The following IGSF10 variants were observed in gnomAD, a reference collection of about 807,000 sequenced individuals.
IGSF10 encodes calvaria mechanical force protein 608.
In IGSF10, 126 loss-of-function variants were observed where a neutral mutation model predicts 128.2. That is an observed-to-expected ratio of 0.98 (90% CI 0.85 to 1.14). The LOEUF (loss-of-function observed/expected upper bound fraction) is 1.14, where lower values mean the gene tolerates loss of function less well. IGSF10 is among the 50% of genes most tolerant of loss of function. IGSF10 has a pLI of 0.00. For synonymous variants in IGSF10, 1,185 were observed against 1,146.2 expected, an observed-to-expected ratio of 1.03 and a Z score of -0.68; for missense variants, 3,295 against 3,149.8, an observed-to-expected ratio of 1.05 and a Z score of -1.10.
chr3:151,576,398 T>C, the IGSF10 span, among the ~76,000 whole-genome samples: 1 of 152,168 alleles, frequency 6.6e-6, no homozygotes, highest in Non-Finnish European at 1.5e-5. Context: ...TGAATCATCA[T>C]CTTTCTGAGT....
chr3:151,458,498 A>T lies in IGSF10; in HGVS notation c.194+18T>A, dbSNP rs750925299. 2.5e-6 allele frequency: 4 copies of T among 1,586,218 alleles called. No individual in the cohort carries two copies. The South Asian group carries it at 4.5e-5, about 18-fold the overall frequency. The stretch of plus-strand genomic sequence containing the variant: ...ACTGATCCCTCTTTGAGAAGAGGAA[A>T]CATGAGGTCTCACACACCCTAAATT... On this transcript the variant is annotated intron_variant, in intron 3 of 7. Transcript: ENST00000282466.
the IGSF10 span, among the ~76,000 whole-genome samples, chr3:151,568,922 G>A: frequency 6.6e-6 from 1 of 152,256 alleles, no homozygotes; most frequent in African/African-American, 2.4e-5. Context: ...TTACAGCAAA[G>A]TGCAGAATGC....
chr3:151,487,340 T>C, the IGSF10 span, among the ~76,000 whole-genome samples: 2 of 152,172 alleles, frequency 1.3e-5, no homozygotes, highest in South Asian at 4.1e-4. Context: ...CAGCAATTAA[T>C]AGCCTACCAA....
At chr3:151,576,270 G>GT in the IGSF10 span, among the ~76,000 whole-genome samples, 78 of 151,752 alleles carry the variant, frequency 5.1e-4, 1 homozygote, top group Middle Eastern at 3.4e-3. Context: ...CAAAATATCC[G>GT]TTTTTTGGTC....
the IGSF10 span, among the ~76,000 whole-genome samples, chr3:151,601,674 G>T: frequency 2.6e-5 from 4 of 152,146 alleles, no homozygotes; most frequent in African/African-American, 9.7e-5. Context: ...GTGAGTCTGA[G>T]CTCAGCACCT....
chr3:151,469,381 C>A, the IGSF10 span, among the ~76,000 whole-genome samples: 1 of 152,208 alleles, frequency 6.6e-6, no homozygotes, highest in South Asian at 2.1e-4. Flanking sequence ...TCAAGACATT[C>A]CTGTATCTGA....
chr3:151,564,682 C>T, the IGSF10 span, among the ~76,000 whole-genome samples: 3 of 152,096 alleles, frequency 2.0e-5, no homozygotes, highest in South Asian at 2.1e-4. Context: ...ATTTGGGTTA[C>T]GGCAGTTGAA....
At chr3:151,539,303 G>A in the IGSF10 span, among the ~76,000 whole-genome samples, 1 of 152,052 alleles carries the variant, frequency 6.6e-6, no homozygotes, top group Non-Finnish European at 1.5e-5. Flanking sequence ...GTGAACTTTC[G>A]CATAGCCGCT....
downstream of IGSF10, chr3:151,432,859 C>G (rs147414393): frequency 2.2e-6 from 3 of 1,344,616 alleles, no homozygotes; most frequent in East Asian, 4.8e-5. Context: ...AACAGAAAAT[C>G]AAATTTAATG....
chr3:151,446,234 A>AG lies in IGSF10; in HGVS notation c.3746dup (p.His1251ProfsTer15). ...TTGTTGAAAGTGTGGTGAAATGGAA[A>AG]GGGGAGACTTTGTCTCTGGGTAAAG... On this transcript the variant is annotated frameshift_variant, in exon 6 of 8. Coordinates refer to ENST00000282466, the MANE Select transcript of IGSF10 (RefSeq NM_178822.5). LOFTEE classifies it high-confidence loss of function. 1.2e-6 allele frequency: 2 copies of AG among 1,613,756 alleles called. No homozygotes were observed. The highest frequency in any genetic ancestry group is 1.7e-6 in the Non-Finnish European group (2 of 1,179,668).
the IGSF10 span, among the ~76,000 whole-genome samples, chr3:151,518,048 G>T: frequency 6.6e-6 from 1 of 151,930 alleles, no homozygotes; most frequent in African/African-American, 2.4e-5. Context: ...CAAATTGAGA[G>T]GATGACCAAA....
At chr3:151,552,899 A>T in the IGSF10 span, among the ~76,000 whole-genome samples, 1 of 152,172 alleles carries the variant, frequency 6.6e-6, no homozygotes, top group Non-Finnish European at 1.5e-5. Context: ...ATAATATCTA[A>T]GAGGAAGTGG....
At chr3:151,491,788 A>T in the IGSF10 span, among the ~76,000 whole-genome samples, 1 of 152,168 alleles carries the variant, frequency 6.6e-6, no homozygotes, top group South Asian at 2.1e-4. Flanking sequence ...ATACTTCCAA[A>T]CACATGAAGC....
chr3:151,434,911 G>A (rs541226010), downstream of IGSF10: 8 of 152,106 alleles, frequency 5.3e-5, no homozygotes, highest in South Asian at 1.5e-3. Context: ...CTTTTTTTAG[G>A]TGAGGAAGTT....
chr3:151,545,711 T>TTCCTCATCTGCTGTCATC, the IGSF10 span, among the ~76,000 whole-genome samples: 1 of 152,246 alleles, frequency 6.6e-6, no homozygotes, highest in Non-Finnish European at 1.5e-5. Context: ...TTTATTGGCA[T>TTCCTCATCTGCTGTCATC]TCCTCATCTG....
chr3:151,452,776 T>A (rs1294826091), intron 5 of IGSF10, among the ~76,000 whole-genome samples: 2 of 151,966 alleles, frequency 1.3e-5, no homozygotes, highest in Admixed American at 1.3e-4. Context: ...AATGGAAGTA[T>A]AGGCAAACAA....
chr3:151,539,472 A>G, the IGSF10 span, among the ~76,000 whole-genome samples: 1 of 152,196 alleles, frequency 6.6e-6, no homozygotes, highest in Non-Finnish European at 1.5e-5. Context: ...CATTGTTTCT[A>G]CTTAAGGGTC....
At chr3:151,451,537 G>A (rs13088575) in intron 5 of IGSF10, among the ~76,000 whole-genome samples, 122,028 of 152,164 alleles carry the variant, frequency 0.8, 49,329 homozygotes, top group Middle Eastern at 0.96. Context: ...GCCTAATTCT[G>A]TGACCATGTT....
At chr3:151,520,314 T>C in the IGSF10 span, among the ~76,000 whole-genome samples, 1 of 151,864 alleles carries the variant, frequency 6.6e-6, no homozygotes. Context: ...TCCAGTTTAT[T>C]AGCATATCTT....
Sources: gnomAD v4.1 joint callset for allele counts (sites outside exome capture counted in the v4.1 genomes callset) on GRCh38, gnomAD v4.1.1 for gene constraint, MANE v1.5 for transcripts, NCBI Gene and HGNC (gene_info 2026-07-23, HGNC 2026-07-21) for gene names.